CSMD1: variants seen among roughly 807,000 people sequenced by gnomAD.
The protein encoded by CSMD1 is CUB and sushi domain-containing protein 1.
Under a neutral mutation model 417.5 loss-of-function variants are expected in CSMD1, and 213 were observed. The ratio of observed to expected loss-of-function variants is 0.51; its 90% CI spans 0.46 to 0.57. CSMD1 has a LOEUF of 0.57. Ranked by LOEUF, CSMD1 falls within the 20% of genes least tolerant of loss-of-function variation. The pLI is 0.00. For missense variants in CSMD1, 6,923 were observed against 4,529.7 expected (o/e 1.53, Z -15.17); for synonymous variants, 2,862 against 1,736.8 (o/e 1.65, Z -16.11).
chr8:4,003,103 C>G (rs574678935), intron 4 of CSMD1, among the ~76,000 whole-genome samples: 122 of 152,168 alleles, frequency 8.0e-4, no homozygotes, highest in African/African-American at 2.8e-3. Context: ...TTTTAAGAAA[C>G]AAGATACAGG....
chr8:4,165,733 C>T (rs1797419597), intron 3 of CSMD1, among the ~76,000 whole-genome samples: 1 of 152,170 alleles, frequency 6.6e-6, no homozygotes. Flanking sequence ...AGTTTAATCA[C>T]TAAGCATCTC....
intron 10 of CSMD1, among the ~76,000 whole-genome samples, chr8:3,530,590 A>G (rs992095834): frequency 6.6e-6 from 1 of 152,110 alleles, no homozygotes; most frequent in Non-Finnish European, 1.5e-5. Context: ...GGTGTGAGCT[A>G]GGCTCACAGC....
chr8:4,784,825 C>T (rs1263819106), intron 1 of CSMD1, among the ~76,000 whole-genome samples: 1 of 152,124 alleles, frequency 6.6e-6, no homozygotes, highest in Non-Finnish European at 1.5e-5. Context: ...TGTGGGTTGG[C>T]AGGAAGACTA....
chr8:4,760,169 C>G (rs553233380), intron 1 of CSMD1, among the ~76,000 whole-genome samples: 5 of 152,184 alleles, frequency 3.3e-5, no homozygotes, highest in Non-Finnish European at 7.3e-5. Flanking sequence ...TCATAGGCTG[C>G]AACATCAGTG....
intron 2 of CSMD1, among the ~76,000 whole-genome samples, chr8:4,609,415 G>C (rs761856897): frequency 6.6e-6 from 1 of 152,048 alleles, no homozygotes; most frequent in Non-Finnish European, 1.5e-5. Context: ...AAACAAAAGA[G>C]ATGAAAGCTG....
intron 1 of CSMD1, among the ~76,000 whole-genome samples, chr8:4,906,207 C>T (rs978584667): frequency 2.0e-5 from 3 of 152,194 alleles, no homozygotes; most frequent in African/African-American, 7.2e-5. Context: ...CTTTCACTAG[C>T]AGAAGAAACT....
At chr8:4,510,783 T>C in intron 2 of CSMD1, among the ~76,000 whole-genome samples, 1 of 132,912 alleles carries the variant, frequency 7.5e-6, no homozygotes, top group African/African-American at 2.9e-5. Flanking sequence ...TTCCCCTTTC[T>C]CTTCCTTCCC....
rs140844238 is a variant in CSMD1 at position 4,908,036 on chromosome 8, G to A, written c.85+86296C>T. On this transcript the variant is annotated intron_variant, in intron 1 of 69. Coordinates refer to ENST00000635120, the MANE Select transcript of CSMD1 (RefSeq NM_033225.6). ...TTTAAAATAATTACTTTTCTTCTGT[G>A]GAATGTACAATAGTTTTCCATTAAT... Among the ~76,000 whole-genome samples, 1,006 of 152,126 alleles carry A rather than the reference G, an allele frequency of 6.6e-3. 9 individuals carry two copies. The highest frequency in any genetic ancestry group is 0.023 in the African/African-American group (956 of 41,474).
intron 40 of CSMD1, among the ~76,000 whole-genome samples, chr8:3,144,803 G>GGGC (rs58903293): frequency 7.6e-6 from 1 of 131,382 alleles, no homozygotes; most frequent in African/African-American, 3.0e-5. Context: ...AAGGGGGGGG[G>GGGC]GGAGGGAGGG....
intron 3 of CSMD1, among the ~76,000 whole-genome samples, chr8:4,136,296 T>C (rs895926253): frequency 4.3e-4 from 66 of 152,212 alleles, no homozygotes; most frequent in Admixed American, 4.3e-3. Flanking sequence ...GACCATCTTT[T>C]TTTAGCTTCC....
chr8:4,287,952 T>C (rs1033191990), intron 3 of CSMD1, among the ~76,000 whole-genome samples: 1 of 152,138 alleles, frequency 6.6e-6, no homozygotes, highest in African/African-American at 2.4e-5. Context: ...TTTCTCCAGA[T>C]AGCAAATCCC....
chr8:4,382,727 C>G (rs1456749080), intron 3 of CSMD1, among the ~76,000 whole-genome samples: 2 of 150,270 alleles, frequency 1.3e-5, no homozygotes, highest in Non-Finnish European at 3.0e-5. Context: ...GTTTTTAACG[C>G]TTTGCATTGT....
At chr8:4,321,433 G>A (rs1799270132) in intron 3 of CSMD1, among the ~76,000 whole-genome samples, 1 of 152,100 alleles carries the variant, frequency 6.6e-6, no homozygotes, top group African/African-American at 2.4e-5. Context: ...TTATTGACTT[G>A]TGACCTTGGG....
chr8:4,392,952 C>T (rs190023387), intron 3 of CSMD1, among the ~76,000 whole-genome samples: 518 of 151,932 alleles, frequency 3.4e-3, no homozygotes, highest in African/African-American at 0.011. Context: ...CTGGGCAACA[C>T]GGTGGGACAC....
intron 5 of CSMD1, among the ~76,000 whole-genome samples, chr8:3,979,962 C>A (rs1356250966): frequency 6.6e-6 from 1 of 152,172 alleles, no homozygotes; most frequent in African/African-American, 2.4e-5. Context: ...GCCAACACTG[C>A]CAAAGTTAAA....
intron 12 of CSMD1, among the ~76,000 whole-genome samples, chr8:3,430,062 T>A (rs992328404): frequency 2.4e-4 from 37 of 152,318 alleles, no homozygotes; most frequent in Admixed American, 2.3e-3. Flanking sequence ...TTGCCAAGTA[T>A]GTATATATAC....
At chr8:4,597,663 C>G (rs1334224697) in intron 2 of CSMD1, among the ~76,000 whole-genome samples, 1 of 151,972 alleles carries the variant, frequency 6.6e-6, no homozygotes, top group Non-Finnish European at 1.5e-5. Context: ...ATAACACAAT[C>G]AGAAAAAAAA....
At chr8:4,455,634 A>G (rs1011720407) in intron 2 of CSMD1, among the ~76,000 whole-genome samples, 1 of 151,974 alleles carries the variant, frequency 6.6e-6, no homozygotes, top group African/African-American at 2.4e-5. Context: ...GAGGAAAAAC[A>G]TAAAACGCAA....
At chr8:4,740,993 A>T (rs1402899138) in intron 1 of CSMD1, among the ~76,000 whole-genome samples, 1 of 152,196 alleles carries the variant, frequency 6.6e-6, no homozygotes, top group Non-Finnish European at 1.5e-5. Flanking sequence ...TAACAGGAAG[A>T]CACATAAAAA....
Sources: gnomAD v4.1 joint callset for allele counts (sites outside exome capture counted in the v4.1 genomes callset) on GRCh38, gnomAD v4.1.1 for gene constraint, MANE v1.5 for transcripts, NCBI Gene and HGNC (gene_info 2026-07-23, HGNC 2026-07-21) for gene names.